CDH13: variants seen among roughly 807,000 people sequenced by gnomAD.
CDH13 encodes the protein cadherin-13.
Under a neutral mutation model 63.8 loss-of-function variants are expected in CDH13, and 24 were observed. The ratio of observed to expected loss-of-function variants is 0.38; its 90% confidence interval spans 0.27 to 0.53. The LOEUF is 0.53. Ranked by LOEUF, CDH13 falls within the 20% of genes least tolerant of loss-of-function variation. The probability of loss-of-function intolerance (pLI) is 0.85; values close to 1 mark genes in which losing one functional copy is unlikely to be tolerated. For missense variants in CDH13, 1,049 were observed against 903.1 expected (o/e 1.16, Z -2.07); for synonymous variants, 503 against 355.3 (o/e 1.42, Z -4.67).
intron 1 of CDH13, among the ~76,000 whole-genome samples, chr16:82,708,274 A>G (rs368579109): frequency 6.6e-6 from 1 of 152,204 alleles, no homozygotes; most frequent in South Asian, 2.1e-4. Context: ...CATGGCTTGC[A>G]TTCTTCTGCT....
intron 5 of CDH13, among the ~76,000 whole-genome samples, chr16:83,322,637 G>C (rs1176867058): frequency 6.6e-6 from 1 of 152,164 alleles, no homozygotes; most frequent in East Asian, 1.9e-4. Context: ...TCTGCAGTGA[G>C]CAGGGGGTGC....
intron 5 of CDH13, among the ~76,000 whole-genome samples, chr16:83,220,668 A>G (rs1430524153): frequency 6.6e-6 from 1 of 150,696 alleles, no homozygotes; most frequent in Admixed American, 6.6e-5. Context: ...AAAAAAAGAA[A>G]AAGAAAAAAA....
intron 6 of CDH13, among the ~76,000 whole-genome samples, chr16:83,455,502 T>A (rs186535905): frequency 1.3e-5 from 2 of 152,262 alleles, no homozygotes; most frequent in East Asian, 3.9e-4. Context: ...CTTCTGGATT[T>A]TCTCCTCTTC....
At chr16:83,486,141 T>A (rs977525478) in intron 6 of CDH13, among the ~76,000 whole-genome samples, 5 of 150,824 alleles carry the variant, frequency 3.3e-5, no homozygotes, top group African/African-American at 7.3e-5. Flanking sequence ...AGACTCTGTC[T>A]AAAAAAATGA....
intron 5 of CDH13, among the ~76,000 whole-genome samples, chr16:83,325,279 A>C (rs1269740900): frequency 1.3e-5 from 2 of 152,196 alleles, no homozygotes; most frequent in African/African-American, 4.8e-5. Context: ...CTATCTGTTG[A>C]ATGAATAAAT....
At chr16:83,010,151 A>AAAAAAAAC (rs1913987066) in intron 2 of CDH13, among the ~76,000 whole-genome samples, 1 of 148,806 alleles carries the variant, frequency 6.7e-6, no homozygotes, top group Non-Finnish European at 1.5e-5. Context: ...AAAAAAAAAA[A>AAAAAAAAC]AAAAAAAAAA....
In CDH13 at chr16:83,706,437, T is replaced by C. The variant is rs569591921; in HGVS notation, c.1538+27976T>C. On this transcript the variant is annotated intron_variant, in intron 10 of 13. Coordinates refer to ENST00000567109, the MANE Select transcript of CDH13 (RefSeq NM_001257.5). The stretch of plus-strand genomic sequence containing the variant: ...AGCGTCAGAAATATTAGCATGGCCA[T>C]TTTTGGAAAATGCTATAGAGCCAAA... 2.0e-5 allele frequency among the ~76,000 whole-genome samples: 3 copies of C among 152,266 alleles called. No individual in the cohort carries two copies. The South Asian group carries it at 6.2e-4, about 32-fold the overall frequency.
At chr16:82,730,648 C>T (rs374781056) in intron 1 of CDH13, among the ~76,000 whole-genome samples, 21 of 152,160 alleles carry the variant, frequency 1.4e-4, no homozygotes, top group Non-Finnish European at 2.6e-4. Flanking sequence ...TGAGCACATT[C>T]TGTTGGAAAA....
intron 6 of CDH13, among the ~76,000 whole-genome samples, chr16:83,446,616 G>A (rs942434475): frequency 3.3e-5 from 5 of 152,152 alleles, no homozygotes; most frequent in Admixed American, 3.3e-4. Context: ...GCAATTTTCT[G>A]CTCATTTCTC....
chr16:83,734,732 T>C, intron 10 of CDH13, among the ~76,000 whole-genome samples: 1 of 148,140 alleles, frequency 6.8e-6, no homozygotes, highest in East Asian at 2.0e-4. Context: ...TAAAGTATAA[T>C]AATAATAATA....
chr16:83,718,297 G>A (rs948124930), intron 10 of CDH13, among the ~76,000 whole-genome samples: 1 of 152,190 alleles, frequency 6.6e-6, no homozygotes, highest in Non-Finnish European at 1.5e-5. Context: ...GTCCCCAAAC[G>A]CCAGTGAGTC....
At chr16:83,600,178 C>T (rs1446735194) in intron 7 of CDH13, among the ~76,000 whole-genome samples, 1 of 152,216 alleles carries the variant, frequency 6.6e-6, no homozygotes, top group East Asian at 1.9e-4. Flanking sequence ...CCTTCGCAGA[C>T]CAGCGCCGGC....
At chr16:83,106,846 T>C (rs2034789349) in intron 3 of CDH13, among the ~76,000 whole-genome samples, 2 of 152,222 alleles carry the variant, frequency 1.3e-5, no homozygotes, top group African/African-American at 4.8e-5. Context: ...TTCTTCTGTG[T>C]TTTAATATAT....
intron 3 of CDH13, among the ~76,000 whole-genome samples, chr16:83,042,860 C>T (rs1310146190): frequency 1.3e-5 from 2 of 152,158 alleles, no homozygotes; most frequent in Non-Finnish European, 2.9e-5. Flanking sequence ...TGAATCTGCA[C>T]ATTTGCTGTG....
At chr16:83,056,273 C>G (rs1597237805) in intron 3 of CDH13, among the ~76,000 whole-genome samples, 1 of 152,166 alleles carries the variant, frequency 6.6e-6, no homozygotes, top group Admixed American at 6.6e-5. Flanking sequence ...GCTGAACATT[C>G]TTGACCTAGA....
intron 1 of CDH13, among the ~76,000 whole-genome samples, chr16:82,844,051 G>T (rs1259178285): frequency 6.6e-6 from 1 of 152,174 alleles, no homozygotes; most frequent in Non-Finnish European, 1.5e-5. Flanking sequence ...GCTGAGTAAT[G>T]GTCCCGTAAT....
intron 10 of CDH13, among the ~76,000 whole-genome samples, chr16:83,695,034 C>A (rs1411287383): frequency 1.3e-5 from 2 of 152,050 alleles, no homozygotes; most frequent in African/African-American, 2.4e-5. Flanking sequence ...TGATGAAACC[C>A]CGTCTCTATT....
At chr16:82,683,202 G>GC (rs1422274630) in intron 1 of CDH13, among the ~76,000 whole-genome samples, 2 of 152,154 alleles carry the variant, frequency 1.3e-5, no homozygotes, top group African/African-American at 4.8e-5. Flanking sequence ...CCCTGTCTCA[G>GC]CCCGGGGTCT....
chr16:83,627,596 G>T (rs1021718057), intron 8 of CDH13, among the ~76,000 whole-genome samples: 1 of 152,036 alleles, frequency 6.6e-6, no homozygotes, highest in East Asian at 1.9e-4. Flanking sequence ...TGTCACCCAG[G>T]CTGGAGTGCA....
Sources: gnomAD v4.1 joint callset for allele counts (sites outside exome capture counted in the v4.1 genomes callset) on GRCh38, gnomAD v4.1.1 for gene constraint, MANE v1.5 for transcripts, NCBI Gene and HGNC (gene_info 2026-07-23, HGNC 2026-07-21) for gene names.